LRFN5: variants seen among roughly 807,000 people sequenced by gnomAD.
The protein encoded by LRFN5 is leucine rich repeat and fibronectin type III domain containing 5.
LRFN5 carries 24 observed loss-of-function variants against 45.6 expected under a neutral mutation model. The observed-to-expected ratio is 0.53, with a 90% CI of 0.38 to 0.74. LRFN5 has a LOEUF of 0.74. Ranked by LOEUF, LRFN5 falls within the 30% of genes least tolerant of loss-of-function variation. The pLI, the probability that LRFN5 is intolerant of heterozygous loss-of-function variation, is 0.00. For synonymous variants in LRFN5, 340 were observed against 313.8 expected, an observed-to-expected ratio of 1.08 and a Z score of -0.88; for missense variants, 776 against 861.5, an observed-to-expected ratio of 0.90 and a Z score of 1.24.
intron 2 of LRFN5, among the ~76,000 whole-genome samples, chr14:41,793,220 C>A (rs1376478397): frequency 6.6e-6 from 1 of 151,870 alleles, no homozygotes; most frequent in Admixed American, 6.6e-5. Flanking sequence ...AATTCATGTT[C>A]CTCTGCCGGG....
intron 2 of LRFN5, among the ~76,000 whole-genome samples, chr14:41,875,308 A>T (rs1408776277): frequency 2.0e-5 from 3 of 152,242 alleles, no homozygotes; most frequent in Non-Finnish European, 4.4e-5. Context: ...CAGCTGACTC[A>T]ACTCCAAACT....
intron 2 of LRFN5, among the ~76,000 whole-genome samples, chr14:41,795,478 G>C (rs181185841): frequency 6.6e-6 from 1 of 152,016 alleles, no homozygotes; most frequent in Non-Finnish European, 1.5e-5. Flanking sequence ...ACATGCACAC[G>C]TATGTTTATT....
At chr14:41,884,110 T>C (rs887670127) in intron 2 of LRFN5, among the ~76,000 whole-genome samples, 5 of 152,186 alleles carry the variant, frequency 3.3e-5, no homozygotes, top group African/African-American at 1.2e-4. Flanking sequence ...GACTCTGCTC[T>C]CCAATCTTTG....
At chr14:41,739,317 C>G (rs1278472672) in intron 1 of LRFN5, among the ~76,000 whole-genome samples, 1 of 151,996 alleles carries the variant, frequency 6.6e-6, no homozygotes, top group East Asian at 1.9e-4. Context: ...CTTGGCTCAT[C>G]AATGGTTCAG....
chr14:41,875,578 C>T (rs75661750), intron 2 of LRFN5, among the ~76,000 whole-genome samples: 1,973 of 152,262 alleles, frequency 0.013, 39 homozygotes, highest in African/African-American at 0.044. Flanking sequence ...ACAGAAATCA[C>T]TCTCTCTTGT....
rs117504980 is a variant in LRFN5 at position 41,849,686 on chromosome 14, T to C, written c.-20-36920T>C. On this transcript the variant is annotated intron_variant, in intron 2 of 5. Transcript: ENST00000298119. The stretch of plus-strand genomic sequence containing the variant: ...ATGTGGAATCATATGCTCTTGCCCT[T>C]GTGGGGTGGTTTACTGCATGCATGG... 6.6e-5 allele frequency among the ~76,000 whole-genome samples: 10 copies of C among 152,120 alleles called. No homozygotes were observed. The East Asian group carries it at 1.9e-3, about 29-fold the overall frequency.
intron 2 of LRFN5, among the ~76,000 whole-genome samples, chr14:41,870,891 A>T (rs953831045): frequency 1.3e-5 from 2 of 152,144 alleles, no homozygotes; most frequent in Non-Finnish European, 2.9e-5. Context: ...CACATGTTTT[A>T]TTATTATTTT....
chr14:41,851,287 A>G (rs941270884), intron 2 of LRFN5, among the ~76,000 whole-genome samples: 2 of 67,816 alleles, frequency 2.9e-5, no homozygotes, highest in South Asian at 3.4e-4. Flanking sequence ...CAGACTTACA[A>G]TACTAACATG....
intron 2 of LRFN5, among the ~76,000 whole-genome samples, chr14:41,817,187 C>G (rs1311561007): frequency 1.3e-5 from 2 of 151,956 alleles, no homozygotes; most frequent in African/African-American, 4.8e-5. Context: ...TTGCATGTTG[C>G]CTGTCCATTA....
chr14:41,748,378 T>C (rs1885004232), intron 1 of LRFN5, among the ~76,000 whole-genome samples: 1 of 152,042 alleles, frequency 6.6e-6, no homozygotes, highest in Non-Finnish European at 1.5e-5. Flanking sequence ...CATGGATAAA[T>C]GTTGAGGAGA....
At chr14:41,616,625 C>T (rs1437404063) in intron 1 of LRFN5, among the ~76,000 whole-genome samples, 1 of 152,106 alleles carries the variant, frequency 6.6e-6, no homozygotes, top group East Asian at 1.9e-4. Flanking sequence ...AATTTGAATA[C>T]AGAAGAAAAT....
intron 1 of LRFN5, among the ~76,000 whole-genome samples, chr14:41,669,396 G>C (rs1881058037): frequency 6.6e-6 from 1 of 151,642 alleles, no homozygotes; most frequent in South Asian, 2.1e-4. Flanking sequence ...ACAAAACAAA[G>C]TTTAAACCAA....
intron 2 of LRFN5, among the ~76,000 whole-genome samples, chr14:41,781,596 G>GA (rs774763301): frequency 4.7e-5 from 4 of 85,746 alleles, no homozygotes; most frequent in Non-Finnish European, 9.1e-5. Flanking sequence ...AAGAAAGAAA[G>GA]AAAGAAAGAA....
intron 1 of LRFN5, among the ~76,000 whole-genome samples, chr14:41,647,655 G>A (rs1288474957): frequency 2.6e-5 from 4 of 152,152 alleles, no homozygotes; most frequent in Non-Finnish European, 5.9e-5. Context: ...TGGCTCATCA[G>A]GAGGATAAAG....
chr14:41,698,590 G>T (rs1488955665), intron 1 of LRFN5, among the ~76,000 whole-genome samples: 1 of 152,014 alleles, frequency 6.6e-6, no homozygotes, highest in Non-Finnish European at 1.5e-5. Flanking sequence ...TGCAGCCAAG[G>T]TTGAGATCCA....
intron 1 of LRFN5, among the ~76,000 whole-genome samples, chr14:41,644,734 A>G (rs1879733173): frequency 1.3e-5 from 2 of 152,132 alleles, no homozygotes; most frequent in African/African-American, 4.8e-5. Context: ...GTGTCCTCCA[A>G]CTTTCAGTCG....
intron 1 of LRFN5, among the ~76,000 whole-genome samples, chr14:41,641,679 A>G (rs947677414): frequency 6.6e-6 from 1 of 152,074 alleles, no homozygotes; most frequent in African/African-American, 2.4e-5. Flanking sequence ...GATCAGATCC[A>G]TGGTGTCCCA....
chr14:41,804,106 C>G (rs562830660), intron 2 of LRFN5, among the ~76,000 whole-genome samples: 4 of 152,182 alleles, frequency 2.6e-5, no homozygotes, highest in East Asian at 1.9e-4. Flanking sequence ...TCAAGTGATC[C>G]GCCCAAAGCC....
chr14:41,890,814 G>A (rs1047000543), intron 3 of LRFN5, among the ~76,000 whole-genome samples: 1 of 151,938 alleles, frequency 6.6e-6, no homozygotes, highest in Non-Finnish European at 1.5e-5. Flanking sequence ...GCTCTAAAAT[G>A]CGTATCTATT....
Sources: allele counts gnomAD v4.1 joint callset (sites outside exome capture counted in the v4.1 genomes callset), GRCh38; gene constraint gnomAD v4.1.1; transcripts MANE v1.5; gene names NCBI Gene and HGNC (gene_info 2026-07-23, HGNC 2026-07-21).